Variants in NFKBIA observed in about 807,000 individuals in gnomAD.
The protein encoded by NFKBIA is NF-kappa-B inhibitor alpha.
In NFKBIA, 10 loss-of-function variants were observed where a neutral mutation model predicts 36.3. That is an observed-to-expected ratio of 0.28 (90% CI 0.17 to 0.47). NFKBIA has a LOEUF of 0.47. Among genes scored for constraint, NFKBIA ranks in the 20% least tolerant of loss-of-function variants. The pLI is 0.99. For missense variants in NFKBIA, 355 were observed against 399.3 expected, an observed-to-expected ratio of 0.89 and a Z score of 0.94; for synonymous variants, 205 against 164.4, an observed-to-expected ratio of 1.25 and a Z score of -1.89.
At chr14:35,402,081 GAC>G (rs760898223) in intron 5 of NFKBIA, 21 bp from the exon 6 acceptor site, 55 of 1,613,902 alleles carry the variant, frequency 3.4e-5, no homozygotes, top group Non-Finnish European at 4.6e-5. Context: ...GGGGAAAAAA[GAC>G]ACGTTAAGCT....
At position 35,402,532 on chromosome 14, in the gene NFKBIA, G is replaced by A. The variant is rs1566590011; in HGVS notation, c.768C>T (p.Leu256=). ...VTYQGYSPYQ[L]TWGRPSTRIQ... ...TCCGGGTGCTTGGGCGGCCCCAGGT[G>A]AGCTGGTAGGGAGAATAGCCCTGGT... Residue 256 remains leucine, a synonymous_variant, in exon 5 of 6, where the codon CTC becomes CTT. Transcript: ENST00000216797. 1.9e-6 allele frequency: 3 copies of A among 1,614,178 alleles called. No individual in the cohort carries two copies. The highest frequency in any genetic ancestry group is 2.5e-6 in the Non-Finnish European group (3 of 1,180,036).
In NFKBIA at chr14:35,401,926, T is replaced by A. The variant is rs3209769; in HGVS notation, c.*87A>T. The A allele has an allele frequency of 7.3e-6, 11 of 1,501,088 alleles. No homozygotes were observed. Among genetic ancestry groups the A allele is most frequent in the Non-Finnish European group, 1.0e-5 (11 of 1,087,540 alleles). 93.0% of individuals were successfully genotyped at this position (1,501,088 alleles called of 1,614,324 possible). A position where few individuals can be genotyped will look rare whatever the true frequency, so the allele number is the denominator to read the frequency against. On this transcript the variant is annotated 3_prime_UTR_variant, in exon 6 of 6. Transcript: ENST00000216797. ...TGTGGATATAAGTACACCCTTTAAA[T>A]TTTTTCTTCTTTTTTCTTTTTTTAG...
At position 35,402,657 on chromosome 14, in the gene NFKBIA, A is replaced by G. The variant is rs2138830876; in HGVS notation, c.643T>C (p.Cys215Arg). The G allele has an allele frequency of 6.2e-7, 1 of 1,614,268 alleles. No individual in the cohort carries two copies. The highest frequency in any genetic ancestry group is 1.1e-5 in the South Asian group (1 of 91,090). ...AGGTGAAGGGCAGTCCGGCCATTAC[A>G]GGGCTCCTGAAACCAAAAGGAATTT... ...LGADVNAQEP[C>R]NGRTALHLAV... Residue 215 changes from cysteine (C) to arginine (R), a missense_variant, in exon 5 of 6, where the codon TGT becomes CGT. By Grantham distance (180) the Cys-to-Arg change is radical (BLOSUM62 -3). Transcript: ENST00000216797.
At position 35,402,406 on chromosome 14, in the gene NFKBIA, G is replaced by A. The variant is rs777020702; in HGVS notation, c.894C>T (p.Phe298=). The A allele has an allele frequency of 3.0e-5, 48 of 1,613,964 alleles. No individual in the cohort carries two copies. The South Asian group carries it at 5.1e-4, about 17-fold the overall frequency. The part of the protein sequence containing the change: ...SYDTESEFTE[F]TEDELPYDDC... ...TTCACAGACTCACCTCGTCCTCTGT[G>A]AACTCCGTGAACTCTGACTCTGTGT... The change falls in exon 5 of 6, where the codon TTC becomes TTT. Residue 298 remains phenylalanine, a synonymous_variant. Coordinates refer to ENST00000216797, the MANE Select transcript of NFKBIA (RefSeq NM_020529.3).
Position 35,401,527 on chromosome 14 carries a change from T to A in NFKBIA, c.*486A>T, listed in dbSNP as rs1296279185. ...AGGATAACTCATTTGTAAAAATCTG[T>A]TTAATAAATATACATCATAAAAGTA... On this transcript the variant is annotated 3_prime_UTR_variant, in exon 6 of 6. Coordinates refer to ENST00000216797, the MANE Select transcript of NFKBIA (RefSeq NM_020529.3). 4.8e-6 allele frequency: 1 copy of A among 208,706 alleles called. No individual in the cohort carries two copies. 12.9% of individuals were successfully genotyped at this position (208,706 alleles called of 1,614,324 possible). A position where few individuals can be genotyped will look rare whatever the true frequency, so the allele number is the denominator to read the frequency against.
chr14:35,402,111 C>T, intron 5 of NFKBIA, 51 bp from the exon 6 acceptor site: 2 of 1,608,656 alleles, frequency 1.2e-6, no homozygotes, highest in African/African-American at 1.3e-5. Flanking sequence ...CGGAGCTCTG[C>T]CAAGCTACCG....
At chr14:35,404,310 T>A (rs1287505333) in intron 1 of NFKBIA, 108 bp downstream of exon 1, 3 of 777,116 alleles carry the variant, frequency 3.9e-6, no homozygotes, top group Non-Finnish European at 3.5e-6. Context: ...CCCGCCCGGC[T>A]GCATCGCTGG....
intron 5 of NFKBIA, 55 bp downstream of exon 5, chr14:35,402,339 G>C (rs1459155108): frequency 1.9e-6 from 3 of 1,605,484 alleles, no homozygotes; most frequent in Admixed American, 1.7e-5. Flanking sequence ...GGCCTGGGAG[G>C]GTGAAGGGAA....
At chr14:35,403,840 A>C (rs1322844117) in intron 1 of NFKBIA, 42 bp from the exon 2 acceptor site, 1 of 1,459,062 alleles carries the variant, frequency 6.9e-7, no homozygotes, top group Non-Finnish European at 9.5e-7. Flanking sequence ...TGGTGAGTGC[A>C]CCGCGTGGGG....
chr14:35,403,493 G>A (rs1408623344), intron 2 of NFKBIA, 133 bp from the exon 3 acceptor site: 3 of 1,022,636 alleles, frequency 2.9e-6, no homozygotes, highest in Non-Finnish European at 4.5e-6. Flanking sequence ...GCAAATAGCA[G>A]AGGCTCCAGG....
At chr14:35,403,592 T>G (rs11569618) in intron 2 of NFKBIA, 98 bp downstream of exon 2, 39 of 904,024 alleles carry the variant, frequency 4.3e-5, no homozygotes, top group Admixed American at 1.4e-4. Flanking sequence ...GGGTAAATAG[T>G]GCTCAGTGGC....
At chr14:35,402,092 C>A in intron 5 of NFKBIA, 32 bp from the exon 6 acceptor site, 1 of 1,613,878 alleles carries the variant, frequency 6.2e-7, no homozygotes, top group Non-Finnish European at 8.5e-7. Context: ...ACACGTTAAG[C>A]TTCCGGAGCG....
At position 35,403,188 on chromosome 14, in the gene NFKBIA, G is replaced by T. The variant is rs770933211; in HGVS notation, c.509C>A (p.Pro170Gln). Residue 170 changes from proline to glutamine, a missense_variant, in exon 3 of 6, where the codon CCG becomes CAG. Physicochemically the swap from Pro to Gln is moderately conservative, Grantham distance 76 (BLOSUM62 -1). Coordinates refer to ENST00000216797, the MANE Select transcript of NFKBIA (RefSeq NM_020529.3). ...VGVLTQSCTT[P>Q]HLHSILKATN... ...AGCCTTCAGGATGGAGTGGAGGTGC[G>T]GGGTGGTGCAGGACTGAGTCAGGAC... The T allele has an allele frequency of 6.2e-7, 1 of 1,612,258 alleles. No individual in the cohort carries two copies. Among genetic ancestry groups the T allele is most frequent in the Admixed American group, 1.7e-5 (1 of 60,020 alleles).
At position 35,403,306 on chromosome 14, in the gene NFKBIA, G is replaced by C; in HGVS notation, c.391C>G (p.Leu131Val). 6.2e-7 allele frequency: 1 copy of C among 1,614,104 alleles called. No individual in the cohort carries two copies. The highest frequency in any genetic ancestry group is 8.5e-7 in the Non-Finnish European group (1 of 1,180,034). Residue 131 changes from leucine (L) to valine (V), a missense_variant, in exon 3 of 6, where the codon CTG becomes GTG. By Grantham distance (32) the Leu-to-Val change is conservative. Transcript: ENST00000216797. ...AGCTCAGGATCACAGCCAGCTCCCA[G>C]AAGTGCCTCAGCAATTTCTGGCTGG... Reference protein sequence around the residue: ...TNQPEIAEALLGAGCDPELRD... With the variant: ...TNQPEIAEALVGAGCDPELRD...
chr14:35,403,191 G>A lies in NFKBIA; in HGVS notation c.506C>T (p.Thr169Ile), dbSNP rs151228045. The A allele has an allele frequency of 1.6e-5, 25 of 1,612,224 alleles. No homozygotes were observed. The highest frequency in any genetic ancestry group is 2.2e-4 in the Middle Eastern group (1 of 4,612). ...SVGVLTQSCT[T>I]PHLHSILKAT... The stretch of plus-strand genomic sequence containing the variant: ...CTTCAGGATGGAGTGGAGGTGCGGG[G>A]TGGTGCAGGACTGAGTCAGGACTCC... The change falls in exon 3 of 6, where the codon ACC becomes ATC. Residue 169 changes from threonine (T) to isoleucine (I), a missense_variant. Transcript: ENST00000216797.
chr14:35,403,524 A>T, intron 2 of NFKBIA, 164 bp from the exon 3 acceptor site: 3 of 889,254 alleles, frequency 3.4e-6, no homozygotes, highest in Non-Finnish European at 5.5e-6. Flanking sequence ...AGACCTCACC[A>T]AATCAGTGGA....
At chr14:35,402,177 A>G (rs2052734330) in intron 5 of NFKBIA, 117 bp from the exon 6 acceptor site, 13 of 1,311,506 alleles carry the variant, frequency 9.9e-6, no homozygotes, top group Non-Finnish European at 1.4e-5. Flanking sequence ...CATAGCCCAA[A>G]TATAATGAAC....
chr14:35,404,175 G>A lies in NFKBIA; in HGVS notation c.227+243C>T, dbSNP rs960849074. 1.2e-5 allele frequency: 4 copies of A among 328,228 alleles called. No homozygotes were observed. The East Asian group carries it at 2.6e-4, about 21-fold the overall frequency. 20.3% of individuals were successfully genotyped at this position (328,228 alleles called of 1,614,324 possible). The stretch of plus-strand genomic sequence containing the variant: ...TAGAGGACGGGTCTGGGGGGAGGGG[G>A]CGTGTGGCGACGCTGCCATCCACCA... On this transcript the variant is annotated intron_variant, in intron 1 of 5. Coordinates refer to ENST00000216797, the MANE Select transcript of NFKBIA (RefSeq NM_020529.3).
intron 2 of NFKBIA, 128 bp from the exon 3 acceptor site, chr14:35,403,488 T>C (rs963839987): frequency 2.3e-5 from 24 of 1,047,384 alleles, no homozygotes; most frequent in Non-Finnish European, 2.8e-5. Flanking sequence ...GGCTGGCAAA[T>C]AGCAGAGGCT....
Sources: allele counts gnomAD v4.1 joint callset, GRCh38; gene constraint gnomAD v4.1.1; transcripts MANE v1.5; gene names NCBI Gene and HGNC (gene_info 2026-07-23, HGNC 2026-07-21).